SERPINI1: variants seen among roughly 807,000 people sequenced by gnomAD.
SERPINI1 encodes serpin family I member 1, also known as neuroserpin.
A neutral mutation model predicts 41.1 loss-of-function variants in SERPINI1; 19 were observed. The ratio of observed to expected loss-of-function variants is 0.46; its 90% confidence interval spans 0.32 to 0.68. The LOEUF (loss-of-function observed/expected upper bound fraction) is 0.68, where lower values mean the gene tolerates loss of function less well. Among genes scored for constraint, SERPINI1 ranks in the 30% least tolerant of loss-of-function variants. The probability of loss-of-function intolerance (pLI) is 0.03; values close to 1 mark genes in which losing one functional copy is unlikely to be tolerated. For synonymous variants in SERPINI1, 138 were observed against 156.6 expected, an observed-to-expected ratio of 0.88 and a Z score of 0.89; for missense variants, 460 against 479.2, an observed-to-expected ratio of 0.96 and a Z score of 0.37.
At chr3:167,766,772 G>A (rs1229428979) in intron 1 of SERPINI1, among the ~76,000 whole-genome samples, 2 of 152,192 alleles carry the variant, frequency 1.3e-5, no homozygotes, top group Non-Finnish European at 2.9e-5. Flanking sequence ...TTAAATTAAA[G>A]CCTAATCCAG....
In SERPINI1 at chr3:167,781,915, CCTTA is replaced by C. The variant is rs968153824; in HGVS notation, c.-18-7192_-18-7189del. 3.3e-5 allele frequency among the ~76,000 whole-genome samples: 5 copies of C among 151,692 alleles called. 1 individual carries two copies. Among genetic ancestry groups the C allele is most frequent in the African/African-American group, 1.2e-4 (5 of 41,272 alleles). Reference sequence around the variant, plus strand: ...CCTCAATTACAAGAAGATTTAGTTCCCTTACTTGTTTTAATGAAGTGTTTTCTAA... The same window carrying C: ...CCTCAATTACAAGAAGATTTAGTTCCCTTGTTTTAATGAAGTGTTTTCTAA... On this transcript the variant is annotated intron_variant, in intron 1 of 8. Transcript: ENST00000446050.
At chr3:167,790,808 A>T (rs562122890) in intron 3 of SERPINI1, among the ~76,000 whole-genome samples, 23 of 152,186 alleles carry the variant, frequency 1.5e-4, no homozygotes, top group African/African-American at 5.5e-4. Flanking sequence ...ATCTTTTGGC[A>T]TATATAGAAT....
chr3:167,786,163 T>C (rs990301974), intron 1 of SERPINI1, among the ~76,000 whole-genome samples: 8 of 152,164 alleles, frequency 5.3e-5, no homozygotes, highest in Admixed American at 5.2e-4. Flanking sequence ...AAATACACTA[T>C]AACCTGCCTT....
intron 8 of SERPINI1, 99 bp from the exon 9 acceptor site, chr3:167,825,145 AAGG>A: frequency 1.2e-6 from 1 of 824,666 alleles, no homozygotes; most frequent in Non-Finnish European, 2.2e-6. Flanking sequence ...GGAAGGAAGG[AAGG>A]AGAAAATAAC....
At chr3:167,756,058 C>T (rs375139208) in intron 1 of SERPINI1, among the ~76,000 whole-genome samples, 1 of 152,058 alleles carries the variant, frequency 6.6e-6, no homozygotes, top group East Asian at 1.9e-4. Context: ...TGACCCCTGC[C>T]CCCAACCCCA....
chr3:167,738,109 G>A (rs576942372), intron 1 of SERPINI1, among the ~76,000 whole-genome samples: 6 of 151,986 alleles, frequency 3.9e-5, no homozygotes, highest in Non-Finnish European at 5.9e-5. Flanking sequence ...GAAAACGTTC[G>A]TTATATGGCA....
rs772999261 is a variant in SERPINI1 at position 167,790,560 on chromosome 3, G to A, written c.439G>A (p.Val147Met). 1.5e-5 allele frequency: 24 copies of A among 1,613,710 alleles called. No individual in the cohort carries two copies. Among genetic ancestry groups the A allele is most frequent in the East Asian group, 8.9e-5 (4 of 44,884 alleles). The change falls in exon 3 of 9, where the codon GTG becomes ATG. Residue 147 changes from valine (V) to methionine (M), a missense_variant. Coordinates refer to ENST00000446050, the MANE Select transcript of SERPINI1 (RefSeq NM_001122752.2). Reference sequence around the variant, plus strand: ...TGTGGACTTCAGTCAAAATGTAGCCGTGGCCAACTACATCAATAAGTGGGT... The same window carrying A: ...TGTGGACTTCAGTCAAAATGTAGCCATGGCCAACTACATCAATAAGTGGGT... ...NHVDFSQNVA[V>M]ANYINKWVEN... is the part of the protein sequence containing the mutation.
intron 1 of SERPINI1, among the ~76,000 whole-genome samples, chr3:167,739,826 G>C (rs1032953084): frequency 6.6e-6 from 1 of 151,902 alleles, no homozygotes. Context: ...TAATCTGATT[G>C]GTGTTAGAAT....
intron 6 of SERPINI1, among the ~76,000 whole-genome samples, chr3:167,815,389 C>CT (rs1305439315): frequency 8.8e-5 from 13 of 147,002 alleles, no homozygotes; most frequent in Non-Finnish European, 1.2e-4. Context: ...CTTTTTTTTT[C>CT]TTTTTTTTTC....
intron 1 of SERPINI1, among the ~76,000 whole-genome samples, chr3:167,774,226 T>C (rs1381840006): frequency 6.6e-6 from 1 of 152,194 alleles, no homozygotes; most frequent in South Asian, 2.1e-4. Context: ...TTGAGGCATA[T>C]GAGGTTGCCA....
Position 167,823,026 on chromosome 3 carries a change from C to A in SERPINI1, c.1020C>A (p.Ser340=), listed in dbSNP as rs1168418034. The A allele has an allele frequency of 1.4e-5, 22 of 1,611,270 alleles. No homozygotes were observed. Among genetic ancestry groups the A allele is most frequent in the Non-Finnish European group, 1.8e-5 (21 of 1,177,664 alleles). ...TTCTTTCCAAAGCAATTCACAAGTC[C>A]TTCCTAGAGGTTAATGAAGAAGGCT... ...EIFLSKAIHK[S]FLEVNEEGSE... The change falls in exon 7 of 9, where the codon TCC becomes TCA. Residue 340 remains serine (S), a synonymous_variant. Transcript: ENST00000446050.
chr3:167,825,262 TG>T lies in SERPINI1; in HGVS notation c.1175del (p.Gly392AspfsTer9). On this transcript the variant is annotated frameshift_variant, in exon 9 of 9. Coordinates refer to ENST00000446050, the MANE Select transcript of SERPINI1 (RefSeq NM_001122752.2). LOFTEE classifies it high-confidence loss of function. ...RNRRTGTILF[M>X]GRVMHPETMN... ...ACCAATACAGGTACAATTCTATTCA[TG>T]GGACGAGTCATGCATCCTGAAACAA... 6.2e-7 allele frequency: 1 copy of T among 1,612,726 alleles called. No homozygotes were observed. Among genetic ancestry groups the T allele is most frequent in the Non-Finnish European group, 8.5e-7 (1 of 1,178,740 alleles).
At position 167,824,568 on chromosome 3, in the gene SERPINI1, TTTA is replaced by T. The variant is rs1341110656; in HGVS notation, c.1156+11_1156+13del. ...TATCAGAAACAGGAGAACTGGTAAG[TTTA>T]TTATGAAAACAAAATTTTATTTAAT... is the stretch of plus-strand genomic sequence containing the variant. On this transcript the variant is annotated splice_region_variant and intron_variant, in intron 8 of 8. Coordinates refer to ENST00000446050, the MANE Select transcript of SERPINI1 (RefSeq NM_001122752.2). 1 of 1,600,914 alleles carries T rather than the reference TTTA, an allele frequency of 6.2e-7. No individual in the cohort carries two copies. Among genetic ancestry groups the T allele is most frequent in the East Asian group, 2.2e-5 (1 of 44,708 alleles).
Position 167,792,594 on chromosome 3 carries a change from G to T in SERPINI1, c.486G>T (p.Leu162=), listed in dbSNP as rs745350666. The change falls in exon 4 of 9, where the codon CTG becomes CTT. Residue 162 remains leucine (L), a synonymous_variant. Transcript: ENST00000446050. ...NKWVENNTNN[L]VKDLVSPRDF... is the part of the protein sequence containing the mutation. Reference sequence around the variant, plus strand: ...TATTCATTTTTTCCTAAATAGATCTGGTGAAAGATTTGGTATCCCCAAGGG... The same window carrying T: ...TATTCATTTTTTCCTAAATAGATCTTGTGAAAGATTTGGTATCCCCAAGGG... 1 of 1,612,862 alleles carries T rather than the reference G, an allele frequency of 6.2e-7. No individual in the cohort carries two copies. The highest frequency in any genetic ancestry group is 1.1e-5 in the South Asian group (1 of 90,972).
intron 6 of SERPINI1, among the ~76,000 whole-genome samples, chr3:167,814,153 C>A (rs1577433569): frequency 6.6e-6 from 1 of 152,144 alleles, no homozygotes; most frequent in African/African-American, 2.4e-5. Context: ...ACTTACTATA[C>A]CCTGAAATTG....
chr3:167,821,833 G>A (rs1298813615), intron 6 of SERPINI1, among the ~76,000 whole-genome samples: 1 of 152,158 alleles, frequency 6.6e-6, no homozygotes, highest in African/African-American at 2.4e-5. Context: ...AAAATTTTAA[G>A]GAATTGGCTC....
chr3:167,760,491 C>T (rs1441161823), intron 1 of SERPINI1, among the ~76,000 whole-genome samples: 1 of 151,716 alleles, frequency 6.6e-6, no homozygotes, highest in Admixed American at 6.6e-5. Context: ...CTGGGTTGAA[C>T]ATGCAGCCTC....
At chr3:167,807,417 T>C (rs1711687110) in intron 6 of SERPINI1, 76 bp downstream of exon 6, 1 of 978,596 alleles carries the variant, frequency 1.0e-6, no homozygotes, top group African/African-American at 1.6e-5. Context: ...AATCCTCTAT[T>C]TACTATGGAG....
intron 5 of SERPINI1, among the ~76,000 whole-genome samples, chr3:167,796,116 T>C (rs1266429103): frequency 6.6e-6 from 1 of 152,080 alleles, no homozygotes; most frequent in East Asian, 1.9e-4. Context: ...TTAGGAATTA[T>C]CATTTAAGGA....
Sources: allele counts gnomAD v4.1 joint callset (sites outside exome capture counted in the v4.1 genomes callset), GRCh38; gene constraint gnomAD v4.1.1; transcripts MANE v1.5; gene names NCBI Gene and HGNC (gene_info 2026-07-23, HGNC 2026-07-21).